Variants in PCDHA7 observed in about 807,000 individuals in gnomAD.
PCDHA7 encodes protocadherin alpha 7, also known as protocadherin alpha-7.
A neutral mutation model predicts 57.2 loss-of-function variants in PCDHA7; 37 were observed. That is an observed-to-expected ratio of 0.65 (90% CI 0.50 to 0.85). PCDHA7 has a LOEUF of 0.85. PCDHA7 is among the 40% of genes least tolerant of loss of function. PCDHA7 has a pLI of 0.00. For synonymous variants in PCDHA7, 553 were observed against 558.8 expected (o/e 0.99, Z 0.15); for missense variants, 1,188 against 1,241.8 (o/e 0.96, Z 0.65).
chr5:140,910,019 T>C (rs2074838579), intron 1 of PCDHA7, among the ~76,000 whole-genome samples: 1 of 152,222 alleles, frequency 6.6e-6, no homozygotes, highest in Non-Finnish European at 1.5e-5. Flanking sequence ...CATCCTTGTA[T>C]CCCTGGGATA....
At chr5:140,839,159 T>C (rs781039323) in intron 1 of PCDHA7, among the ~76,000 whole-genome samples, 1 of 96,652 alleles carries the variant, frequency 1.0e-5, no homozygotes, top group Admixed American at 9.7e-5. Flanking sequence ...GCTGCTCTTG[T>C]TGAAAGATAT....
intron 1 of PCDHA7, among the ~76,000 whole-genome samples, chr5:140,885,718 C>T (rs2060696401): frequency 6.6e-6 from 1 of 152,124 alleles, no homozygotes; most frequent in South Asian, 2.1e-4. Flanking sequence ...CTAATGTGAT[C>T]TCTGTGAAAT....
intron 1 of PCDHA7, among the ~76,000 whole-genome samples, chr5:140,965,602 A>G (rs1319736678): frequency 6.6e-6 from 1 of 152,126 alleles, no homozygotes; most frequent in African/African-American, 2.4e-5. Context: ...AGACTCTTGA[A>G]GACATTGTCA....
At chr5:140,917,324 C>CGGT (rs2078038330) in intron 1 of PCDHA7, among the ~76,000 whole-genome samples, 1 of 76,126 alleles carries the variant, frequency 1.3e-5, no homozygotes, top group Admixed American at 1.5e-4. Flanking sequence ...GTTCATGTGG[C>CGGT]GGGGGAGGGG....
At position 140,966,546 on chromosome 5, in the gene PCDHA7, C is replaced by G. The variant is rs549303882; in HGVS notation, c.2356-12403C>G. The G allele has an allele frequency of 3.9e-5, 18 of 466,228 alleles. No individual in the cohort carries two copies. The Admixed American group carries it at 6.1e-4, about 16-fold the overall frequency. 28.9% of individuals were successfully genotyped at this position (466,228 alleles called of 1,614,324 possible). On this transcript the variant is annotated intron_variant, in intron 1 of 3. Coordinates refer to ENST00000525929, the MANE Select transcript of PCDHA7 (RefSeq NM_018910.3). ...CGAGCCGGGTTGAGCGACTCGGAGGCGAGCGGAGGAGCTGGAATATGGGGA... is the reference window on the plus strand; with the variant it reads ...CGAGCCGGGTTGAGCGACTCGGAGGGGAGCGGAGGAGCTGGAATATGGGGA...
intron 1 of PCDHA7, among the ~76,000 whole-genome samples, chr5:140,944,732 G>A (rs1351639657): frequency 6.6e-6 from 1 of 152,142 alleles, no homozygotes; most frequent in Non-Finnish European, 1.5e-5. Context: ...ACCTTAGTAA[G>A]TCTGAGCATT....
At position 140,842,830 on chromosome 5, in the gene PCDHA7, G is replaced by T. The variant is rs1554139431; in HGVS notation, c.2355+6092G>T. ...TGGAGCGGCGGGTGGGCGAGCGCTC[G>T]CTGTCGAGCTACATTTCGGTGCACA... On this transcript the variant is annotated intron_variant, in intron 1 of 3. Coordinates refer to ENST00000525929, the MANE Select transcript of PCDHA7 (RefSeq NM_018910.3). 1.0e-5 allele frequency: 16 copies of T among 1,593,780 alleles called. 3 individuals are homozygous for T. The South Asian group carries it at 1.8e-4, about 18-fold the overall frequency.
intron 3 of PCDHA7, among the ~76,000 whole-genome samples, chr5:140,997,321 T>C (rs964967011): frequency 1.3e-5 from 2 of 152,174 alleles, no homozygotes; most frequent in Non-Finnish European, 2.9e-5. Flanking sequence ...CTTTAGGCAG[T>C]TTTTTCGTTG....
At chr5:140,876,558 T>C in intron 1 of PCDHA7, 1 of 1,614,216 alleles carries the variant, frequency 6.2e-7, no homozygotes, top group Non-Finnish European at 8.5e-7. Flanking sequence ...TGCAAGAGGA[T>C]GCTCAGGTGG....
intron 1 of PCDHA7, chr5:140,842,066 G>A: frequency 6.2e-7 from 1 of 1,613,874 alleles, no homozygotes; most frequent in Non-Finnish European, 8.5e-7. Flanking sequence ...TGAATACGAA[G>A]TAAGAATATT....
At chr5:141,007,527 C>T (rs1184006315) in intron 3 of PCDHA7, among the ~76,000 whole-genome samples, 1 of 152,070 alleles carries the variant, frequency 6.6e-6, no homozygotes, top group Non-Finnish European at 1.5e-5. Flanking sequence ...GATATCTCGC[C>T]ACTGCACTCC....
chr5:140,973,812 G>A (rs897592585), intron 1 of PCDHA7, among the ~76,000 whole-genome samples: 10 of 152,236 alleles, frequency 6.6e-5, no homozygotes, highest in Admixed American at 6.5e-4. Context: ...TGACAGAATA[G>A]CAAAGTCAGT....
intron 1 of PCDHA7, chr5:140,852,618 T>A (rs1455728241): frequency 1.1e-6 from 1 of 941,332 alleles, no homozygotes; most frequent in Admixed American, 6.4e-5. Context: ...AAAACTTGAG[T>A]GGTCTCTGAG....
At chr5:140,871,624 A>C in intron 1 of PCDHA7, 2 of 1,409,596 alleles carry the variant, frequency 1.4e-6, no homozygotes, top group Non-Finnish European at 9.4e-7. Context: ...TTTAGATAAC[A>C]ATGTCTGTTC....
chr5:140,911,420 C>T (rs1411930717), intron 1 of PCDHA7, among the ~76,000 whole-genome samples: 1 of 152,134 alleles, frequency 6.6e-6, no homozygotes, highest in Non-Finnish European at 1.5e-5. Context: ...ATGATAAGAA[C>T]TTGTGTCCAA....
At position 140,843,595 on chromosome 5, in the gene PCDHA7, G is replaced by GTT. The variant is rs1423829570; in HGVS notation, c.2355+6858_2355+6859insTT. On this transcript the variant is annotated intron_variant, in intron 1 of 3. Coordinates refer to ENST00000525929, the MANE Select transcript of PCDHA7 (RefSeq NM_018910.3). ...ACTCGCAACAACAGCCGCAGAGGGT[G>GTT]TGCTCTGGTGAGGGGCCACCGAAGA... The GTT allele has an allele frequency of 1.2e-5, 19 of 1,595,984 alleles. 3 individuals carry two copies. The highest frequency in any genetic ancestry group is 1.5e-5 in the Non-Finnish European group (18 of 1,165,530).
chr5:140,844,242 G>T (rs73280579), intron 1 of PCDHA7, among the ~76,000 whole-genome samples: 1 of 149,206 alleles, frequency 6.7e-6, no homozygotes. Flanking sequence ...CACTATTGCC[G>T]TTTTAAGCAG....
chr5:140,928,944 A>G (rs782627710), intron 1 of PCDHA7: 1 of 1,614,070 alleles, frequency 6.2e-7, no homozygotes, highest in South Asian at 1.1e-5. Context: ...ACTTGTATTT[A>G]GTAATTGCCT....
At chr5:140,924,060 A>G (rs2081653054) in intron 1 of PCDHA7, among the ~76,000 whole-genome samples, 1 of 152,250 alleles carries the variant, frequency 6.6e-6, no homozygotes, top group African/African-American at 2.4e-5. Context: ...ACATCTTTAC[A>G]GTTGTATTTC....
Sources: gnomAD v4.1 joint callset for allele counts (sites outside exome capture counted in the v4.1 genomes callset) on GRCh38, gnomAD v4.1.1 for gene constraint, MANE v1.5 for transcripts, NCBI Gene and HGNC (gene_info 2026-07-23, HGNC 2026-07-21) for gene names.